Variants in RBM20 observed in about 807,000 individuals in gnomAD.
RBM20 encodes the protein RNA binding motif protein 20, also known as RNA-binding protein 20.
A neutral mutation model predicts 110.1 loss-of-function variants in RBM20; 51 were observed. The ratio of observed to expected loss-of-function variants is 0.46; its 90% CI spans 0.37 to 0.59. RBM20 has a LOEUF of 0.59. RBM20 is among the 20% of genes least tolerant of loss of function. The pLI is 0.00. For missense variants in RBM20, 1,512 were observed against 1,574.9 expected (o/e 0.96, Z 0.68); for synonymous variants, 589 against 618.2 (o/e 0.95, Z 0.70).
intron 1 of RBM20, among the ~76,000 whole-genome samples, chr10:110,707,947 G>A (rs191579833): frequency 6.6e-6 from 1 of 152,270 alleles, no homozygotes; most frequent in African/African-American, 2.4e-5. Context: ...TGAGTTACCT[G>A]ATATGATTAT....
At chr10:110,776,366 A>T (rs1292472602) in intron 1 of RBM20, among the ~76,000 whole-genome samples, 5 of 152,230 alleles carry the variant, frequency 3.3e-5, no homozygotes, top group Non-Finnish European at 5.9e-5. Context: ...GGCTTATAAT[A>T]ACATACATGT....
At chr10:110,788,588 G>A (rs887794530) in intron 5 of RBM20, among the ~76,000 whole-genome samples, 3 of 152,176 alleles carry the variant, frequency 2.0e-5, no homozygotes, top group Non-Finnish European at 4.4e-5. Context: ...CTGGTCCCCC[G>A]GTTTGCCATT....
At chr10:110,788,028 G>A (rs1844441288) in intron 5 of RBM20, among the ~76,000 whole-genome samples, 1 of 152,152 alleles carries the variant, frequency 6.6e-6, no homozygotes, top group African/African-American at 2.4e-5. Flanking sequence ...GGGAAACTGA[G>A]GCCTAGAGAA....
chr10:110,755,183 T>C (rs993121126), intron 1 of RBM20, among the ~76,000 whole-genome samples: 2 of 152,214 alleles, frequency 1.3e-5, no homozygotes, highest in African/African-American at 2.4e-5. Flanking sequence ...ATATTACTCC[T>C]GGTTCATCCT....
rs190941102 is a variant in RBM20 at position 110,759,355 on chromosome 10, G to C, written c.192-21446G>C. Among the ~76,000 whole-genome samples, 69 of 152,304 alleles carry C rather than the reference G, an allele frequency of 4.5e-4. 1 individual carries two copies. The highest frequency in any genetic ancestry group is 3.5e-3 in the Admixed American group (53 of 15,302). On this transcript the variant is annotated intron_variant, in intron 1 of 13. Transcript: ENST00000369519. ...TCTATTTTCCTCCATTGCAAAGATA[G>C]AGTAGTCAGCCCTGGTTTTAAAGAG...
chr10:110,809,880 C>T (rs897670710), intron 7 of RBM20, among the ~76,000 whole-genome samples: 2 of 152,198 alleles, frequency 1.3e-5, no homozygotes, highest in Non-Finnish European at 2.9e-5. Flanking sequence ...CTGCATGGAA[C>T]ACAGGGTGGC....
intron 7 of RBM20, among the ~76,000 whole-genome samples, chr10:110,806,653 CAACAAGATTAGTCATCAT>C (rs1844699267): frequency 6.6e-6 from 1 of 152,198 alleles, no homozygotes; most frequent in Non-Finnish European, 1.5e-5. Context: ...TATCAAAATG[CAACAAGATTAGTCATCAT>C]TGTTGGCTGA....
intron 13 of RBM20, among the ~76,000 whole-genome samples, chr10:110,833,411 T>C (rs976134841): frequency 3.8e-4 from 10 of 26,642 alleles, no homozygotes; most frequent in Admixed American, 2.0e-3. Flanking sequence ...AAAAAAGAAA[T>C]GCAGCTTCCT....
At chr10:110,770,396 T>C (rs779350993) in intron 1 of RBM20, among the ~76,000 whole-genome samples, 1 of 152,140 alleles carries the variant, frequency 6.6e-6, no homozygotes, top group Non-Finnish European at 1.5e-5. Context: ...TCATAAGGCA[T>C]AAAGAAACCT....
chr10:110,823,347 TG>T, intron 11 of RBM20, 132 bp from the exon 12 acceptor site: 1 of 1,170,270 alleles, frequency 8.5e-7, no homozygotes, highest in South Asian at 1.7e-5. Context: ...CCCAGCCTTA[TG>T]TGATTAAGCA....
At position 110,799,800 on chromosome 10, in the gene RBM20, T is replaced by C. The variant is rs999297099; in HGVS notation, c.1682T>C (p.Met561Thr). ...TTTCTTTCTTAGGCCTTTTTAGAGA[T>C]GGCTTACACAGAAGCTGCACAGGCC... ...MKSTNQAFLE[M>T]AYTEAAQAMV... Residue 561 changes from methionine (M) to threonine (T), a missense_variant, in exon 7 of 14, where the codon ATG becomes ACG. Coordinates refer to ENST00000369519, the MANE Select transcript of RBM20 (RefSeq NM_001134363.3). The C allele has an allele frequency of 1.3e-6, 2 of 1,550,758 alleles. No individual in the cohort carries two copies. Among genetic ancestry groups the C allele is most frequent in the Non-Finnish European group, 8.7e-7 (1 of 1,146,538 alleles).
intron 1 of RBM20, among the ~76,000 whole-genome samples, chr10:110,666,919 A>T (rs1862186369): frequency 6.6e-6 from 1 of 152,336 alleles, no homozygotes; most frequent in African/African-American, 2.4e-5. Context: ...TGAGGGCGGG[A>T]AATTTATCCA....
intron 1 of RBM20, among the ~76,000 whole-genome samples, chr10:110,754,895 C>T (rs535870078): frequency 6.6e-5 from 10 of 152,264 alleles, no homozygotes; most frequent in South Asian, 6.2e-4. Flanking sequence ...TTTTCTGATA[C>T]GCCTGACAAT....
intron 1 of RBM20, among the ~76,000 whole-genome samples, chr10:110,778,676 C>T (rs77581036): frequency 0.013 from 2,024 of 152,352 alleles, 41 homozygotes; most frequent in African/African-American, 0.046. Context: ...TCCCAGAATT[C>T]CAGTTCATCA....
chr10:110,731,752 A>AT (rs1016384381), intron 1 of RBM20, among the ~76,000 whole-genome samples: 5 of 152,118 alleles, frequency 3.3e-5, no homozygotes, highest in South Asian at 2.1e-4. Context: ...CAAAAGCTGC[A>AT]TTTTTTTGTC....
At chr10:110,669,675 G>C (rs558761329) in intron 1 of RBM20, among the ~76,000 whole-genome samples, 3 of 152,216 alleles carry the variant, frequency 2.0e-5, no homozygotes, top group African/African-American at 7.2e-5. Context: ...TCCAGCTTTG[G>C]CCTCCCAAAG....
chr10:110,737,680 A>T (rs371702452), intron 1 of RBM20, among the ~76,000 whole-genome samples: 1 of 151,290 alleles, frequency 6.6e-6, no homozygotes, highest in African/African-American at 2.4e-5. Flanking sequence ...TTTGTGCCTA[A>T]GTTTCTTTTA....
intron 9 of RBM20, among the ~76,000 whole-genome samples, chr10:110,818,634 A>G (rs1844872487): frequency 6.6e-6 from 1 of 152,258 alleles, no homozygotes; most frequent in Non-Finnish European, 1.5e-5. Context: ...AGGGTGGAAG[A>G]GCAGGGGTCT....
chr10:110,730,710 T>C (rs1213793092), intron 1 of RBM20, among the ~76,000 whole-genome samples: 5 of 152,172 alleles, frequency 3.3e-5, no homozygotes, highest in Non-Finnish European at 7.3e-5. Flanking sequence ...CCCTTTCCAA[T>C]CTCTCTTGGA....
Sources: allele counts gnomAD v4.1 joint callset (sites outside exome capture counted in the v4.1 genomes callset), GRCh38; gene constraint gnomAD v4.1.1; transcripts MANE v1.5; gene names NCBI Gene and HGNC (gene_info 2026-07-23, HGNC 2026-07-21).